Variants in CPNE4 observed in about 807,000 individuals in gnomAD.
CPNE4 encodes the protein copine-4.
Under a neutral mutation model 67.9 loss-of-function variants are expected in CPNE4, and 25 were observed. The ratio of observed to expected loss-of-function variants is 0.37; its 90% CI spans 0.27 to 0.51. The LOEUF (loss-of-function observed/expected upper bound fraction) is 0.51, where lower values mean the gene tolerates loss of function less well. CPNE4 is among the 20% of genes least tolerant of loss of function. CPNE4 has a pLI of 0.93. For missense variants in CPNE4, 464 were observed against 690.8 expected (o/e 0.67, Z 3.68); for synonymous variants, 242 against 244.9 (o/e 0.99, Z 0.11).
At chr3:131,554,200 A>G (rs1390119202) in intron 12 of CPNE4, among the ~76,000 whole-genome samples, 1 of 151,992 alleles carries the variant, frequency 6.6e-6, no homozygotes, top group Non-Finnish European at 1.5e-5. Context: ...CTATGAAGAA[A>G]GTGGGCATTC....
At chr3:131,821,371 T>G (rs2084953943) in intron 2 of CPNE4, among the ~76,000 whole-genome samples, 1 of 152,196 alleles carries the variant, frequency 6.6e-6, no homozygotes, top group South Asian at 2.1e-4. Flanking sequence ...GACGGACCCC[T>G]GAAAGGCTAA....
intron 5 of CPNE4, among the ~76,000 whole-genome samples, chr3:131,686,941 G>C (rs1164180904): frequency 1.3e-5 from 2 of 152,098 alleles, no homozygotes; most frequent in Admixed American, 1.3e-4. Context: ...ACCACCAAAA[G>C]CTCTGCTCAG....
intron 2 of CPNE4, among the ~76,000 whole-genome samples, chr3:131,858,864 A>G (rs115395258): frequency 6.6e-6 from 1 of 152,118 alleles, no homozygotes; most frequent in South Asian, 2.1e-4. Flanking sequence ...AGGGATGCAA[A>G]CACTTTGAGC....
At chr3:131,696,909 T>C (rs1282990297) in intron 4 of CPNE4, among the ~76,000 whole-genome samples, 2 of 152,246 alleles carry the variant, frequency 1.3e-5, no homozygotes, top group African/African-American at 4.8e-5. Context: ...GCTTCTTTCT[T>C]TAAAGGTCAC....
intron 1 of CPNE4, among the ~76,000 whole-genome samples, chr3:131,926,292 C>T (rs1034987786): frequency 1.3e-5 from 2 of 152,048 alleles, no homozygotes; most frequent in Non-Finnish European, 1.5e-5. Flanking sequence ...TCTGAGTTAG[C>T]CTGTGACAAG....
At chr3:131,594,710 A>G (rs564029781) in intron 7 of CPNE4, among the ~76,000 whole-genome samples, 1 of 152,376 alleles carries the variant, frequency 6.6e-6, no homozygotes, top group Admixed American at 6.5e-5. Context: ...GACTACATCA[A>G]ACTAAAAAGC....
intron 2 of CPNE4, among the ~76,000 whole-genome samples, chr3:131,873,043 A>G (rs935487256): frequency 1.3e-5 from 2 of 152,224 alleles, no homozygotes; most frequent in African/African-American, 4.8e-5. Context: ...ACGGTAATAG[A>G]AAATAAATAG....
intron 2 of CPNE4, among the ~76,000 whole-genome samples, chr3:131,850,451 G>T (rs1397774115): frequency 6.6e-6 from 1 of 152,120 alleles, no homozygotes; most frequent in Non-Finnish European, 1.5e-5. Flanking sequence ...TCGTAGGGCA[G>T]TTAAATTAAG....
At chr3:131,791,982 C>A (rs537599649) in intron 2 of CPNE4, among the ~76,000 whole-genome samples, 26 of 152,226 alleles carry the variant, frequency 1.7e-4, no homozygotes, top group Non-Finnish European at 2.6e-4. Flanking sequence ...TACTCAGTAA[C>A]AGAACTGGCA....
At chr3:131,600,638 C>G (rs1939151184) in intron 7 of CPNE4, among the ~76,000 whole-genome samples, 1 of 152,054 alleles carries the variant, frequency 6.6e-6, no homozygotes. Context: ...GACCCCGCCT[C>G]GAGAGGAAAC....
In CPNE4 at chr3:131,949,462, ATATGCAAAGT is replaced by A. The variant is rs2071655062; in HGVS notation, c.-1-44028_-1-44019del. 7.2e-5 allele frequency among the ~76,000 whole-genome samples: 11 copies of A among 152,330 alleles called. No homozygotes were observed. The South Asian group carries it at 2.3e-3, about 32-fold the overall frequency. ...AAAATACTCAGTGAAACACGAAAAG[ATATGCAAAGT>A]TTTAGGAGTACCAAAATGCAGAAGT... On this transcript the variant is annotated intron_variant, in intron 1 of 15. Transcript: ENST00000429747.
chr3:131,760,312 G>C (rs1232204258), intron 2 of CPNE4, among the ~76,000 whole-genome samples: 1 of 152,160 alleles, frequency 6.6e-6, no homozygotes, highest in Non-Finnish European at 1.5e-5. Context: ...GCATCTCTGT[G>C]AAGTGGGCAT....
At chr3:131,941,411 A>G (rs2071383299) in intron 1 of CPNE4, among the ~76,000 whole-genome samples, 1 of 150,788 alleles carries the variant, frequency 6.6e-6, no homozygotes, top group Non-Finnish European at 1.5e-5. Flanking sequence ...AATTTACACC[A>G]CAGAGTTAGG....
intron 1 of CPNE4, among the ~76,000 whole-genome samples, chr3:132,022,274 T>C (rs2074014984): frequency 1.3e-5 from 2 of 152,224 alleles, no homozygotes; most frequent in Non-Finnish European, 2.9e-5. Flanking sequence ...AAAGCAGCCC[T>C]AGCAATCTGT....
chr3:131,955,513 T>C (rs1325044043), intron 1 of CPNE4, among the ~76,000 whole-genome samples: 1 of 144,838 alleles, frequency 6.9e-6, no homozygotes, highest in African/African-American at 2.5e-5. Flanking sequence ...CCTCCACTTC[T>C]GGTCTTAGAT....
intron 1 of CPNE4, among the ~76,000 whole-genome samples, chr3:131,983,976 T>G (rs539568556): frequency 3.5e-4 from 53 of 152,292 alleles, no homozygotes; most frequent in African/African-American, 1.2e-3. Context: ...TTACAGTGAA[T>G]TCAGTACTCC....
At chr3:131,948,446 T>C (rs1220399949) in intron 1 of CPNE4, among the ~76,000 whole-genome samples, 1 of 152,192 alleles carries the variant, frequency 6.6e-6, no homozygotes, top group African/African-American at 2.4e-5. Context: ...TGTGAGTCAA[T>C]TAAAACTCAT....
intron 2 of CPNE4, among the ~76,000 whole-genome samples, chr3:131,816,282 A>G (rs2084738506): frequency 6.6e-6 from 1 of 152,212 alleles, no homozygotes; most frequent in South Asian, 2.1e-4. Context: ...CAAACCTTCC[A>G]TGCTATCATG....
At chr3:131,601,143 T>C (rs1041660692) in intron 7 of CPNE4, among the ~76,000 whole-genome samples, 3 of 152,180 alleles carry the variant, frequency 2.0e-5, no homozygotes, top group South Asian at 2.1e-4. Flanking sequence ...CTCCTCTGTT[T>C]CACTGGACAA....
Sources: allele counts gnomAD v4.1 joint callset (sites outside exome capture counted in the v4.1 genomes callset), GRCh38; gene constraint gnomAD v4.1.1; transcripts MANE v1.5; gene names NCBI Gene and HGNC (gene_info 2026-07-23, HGNC 2026-07-21).